PSD2: variants seen among roughly 807,000 people sequenced by gnomAD.
PSD2 encodes the protein PH and SEC7 domain-containing protein 2.
Under a neutral mutation model 69.8 loss-of-function variants are expected in PSD2, and 38 were observed. The ratio of observed to expected loss-of-function variants is 0.54; its 90% CI spans 0.42 to 0.71. The LOEUF (loss-of-function observed/expected upper bound fraction) is 0.71, where lower values mean the gene tolerates loss of function less well. Among genes scored for constraint, PSD2 ranks in the 30% least tolerant of loss-of-function variants. The pLI is 0.00. For missense variants in PSD2, 943 were observed against 1,014.5 expected (o/e 0.93, Z 0.96); for synonymous variants, 412 against 423.0 (o/e 0.97, Z 0.32).
At chr5:139,825,921 C>A (rs1247488054) in intron 7 of PSD2, among the ~76,000 whole-genome samples, 2 of 152,100 alleles carry the variant, frequency 1.3e-5, no homozygotes, top group Non-Finnish European at 2.9e-5. Flanking sequence ...TGGGGCTCAG[C>A]GTTATGTAGA....
In PSD2 at chr5:139,838,812, C is replaced by T. The variant is rs745726882; in HGVS notation, c.1968+40C>T. ...GTCAACATTTTGCCTCCCCAGGCTG[C>T]CATCCTCAGCCCAGGCCCCCATCCA... On this transcript the variant is annotated intron_variant, in intron 13 of 14. Coordinates refer to ENST00000274710, the MANE Select transcript of PSD2 (RefSeq NM_032289.4). 4 of 1,592,436 alleles carry T rather than the reference C, an allele frequency of 2.5e-6. No homozygotes were observed. In the South Asian group the frequency reaches 4.5e-5, roughly 18 times the overall value.
chr5:139,765,677 G>C, the PSD2 span, among the ~76,000 whole-genome samples: 1 of 152,262 alleles, frequency 6.6e-6, no homozygotes, highest in African/African-American at 2.4e-5. Flanking sequence ...AGCGCGGGGC[G>C]CGGCTGGGGA....
rs539309803 is a variant in PSD2, at chr5:139,806,054, TCATTATAGGACCTAC to T, written c.-50-3335_-50-3321del. 9.8e-4 allele frequency among the ~76,000 whole-genome samples: 150 copies of T among 152,302 alleles called. 2 individuals carry two copies. Among genetic ancestry groups the T allele is most frequent in the African/African-American group, 3.5e-3 (146 of 41,566 alleles). On this transcript the variant is annotated intron_variant, in intron 1 of 14. Coordinates refer to ENST00000274710, the MANE Select transcript of PSD2 (RefSeq NM_032289.4). ...AGTTGGCTGAGCCAGGGTTCCACTA[TCATTATAGGACCTAC>T]CTTAGCTGGTGTTGAAAAGAGGCTG...
chr5:139,833,025 T>C lies in PSD2; in HGVS notation c.1270-677T>C, dbSNP rs1305230324. On this transcript the variant is annotated intron_variant, in intron 7 of 14. Transcript: ENST00000274710. ...TTAGCATGGGGCACTTGTGTGTCCA[T>C]GGCAATTGATTTTTGACTCCCATAA... Among the ~76,000 whole-genome samples the C allele has an allele frequency of 2.0e-5, 3 of 152,088 alleles. 1 individual carries two copies. Among genetic ancestry groups the C allele is most frequent in the Non-Finnish European group, 4.4e-5 (3 of 68,014 alleles).
chr5:139,777,141 C>T, the PSD2 span, among the ~76,000 whole-genome samples: 3 of 152,180 alleles, frequency 2.0e-5, no homozygotes, highest in South Asian at 4.1e-4. Context: ...TTAAGTGGTG[C>T]CAGTTCCCTA....
chr5:139,774,211 C>A, the PSD2 span, among the ~76,000 whole-genome samples: 1 of 152,050 alleles, frequency 6.6e-6, no homozygotes, highest in Admixed American at 6.6e-5. Flanking sequence ...GGGTGGGGAG[C>A]CTCTTAGCTT....
At chr5:139,781,596 A>G in the PSD2 span, among the ~76,000 whole-genome samples, 2 of 150,298 alleles carry the variant, frequency 1.3e-5, no homozygotes, top group Non-Finnish European at 2.9e-5. Context: ...TGGCTTCCCA[A>G]AGTGCTGGGA....
chr5:139,816,325 A>T (rs1760121911), intron 4 of PSD2, among the ~76,000 whole-genome samples: 2 of 152,158 alleles, frequency 1.3e-5, no homozygotes, highest in African/African-American at 4.8e-5. Flanking sequence ...ATTTTCTCTG[A>T]TTGTCTAAAA....
the PSD2 span, chr5:139,772,827 T>C: frequency 6.6e-6 from 1 of 152,210 alleles, no homozygotes; most frequent in Non-Finnish European, 1.5e-5. Flanking sequence ...ATTTGTTTGT[T>C]CAGTATCTTT....
the PSD2 span, among the ~76,000 whole-genome samples, chr5:139,784,365 T>G: frequency 6.6e-6 from 1 of 152,158 alleles, no homozygotes; most frequent in African/African-American, 2.4e-5. Flanking sequence ...GACTTTTCTG[T>G]CTGCCACTCT....
At chr5:139,825,170 T>C (rs1199338416) in intron 7 of PSD2, among the ~76,000 whole-genome samples, 2 of 152,124 alleles carry the variant, frequency 1.3e-5, no homozygotes, top group Non-Finnish European at 2.9e-5. Flanking sequence ...TGCAGCTCCA[T>C]GAAGGGCACA....
chr5:139,766,928 C>CTTTCTTTCTTTCTT, the PSD2 span, among the ~76,000 whole-genome samples: 1 of 31,240 alleles, frequency 3.2e-5, no homozygotes, highest in South Asian at 1.4e-3. Context: ...TTCCTTCCTT[C>CTTTCTTTCTTTCTT]CCTTCTTTCT....
chr5:139,767,948 C>T, the PSD2 span, among the ~76,000 whole-genome samples: 1 of 152,230 alleles, frequency 6.6e-6, no homozygotes, highest in East Asian at 1.9e-4. Flanking sequence ...AGGATGAGTT[C>T]CAGAGTCCTC....
intron 7 of PSD2, among the ~76,000 whole-genome samples, chr5:139,823,766 G>A (rs1055149922): frequency 3.3e-5 from 5 of 152,202 alleles, no homozygotes; most frequent in African/African-American, 9.7e-5. Context: ...AAATTGTTAC[G>A]TAAAAAGAAC....
At chr5:139,746,760 AC>A in the PSD2 span, among the ~76,000 whole-genome samples, 3 of 151,538 alleles carry the variant, frequency 2.0e-5, no homozygotes, top group Non-Finnish European at 4.4e-5. This position sits in a 1 kb window ranked among gnomAD's most constrained non-coding sequence, Gnocchi z 4.5. Flanking sequence ...CGGCTCCCCA[AC>A]CCCGCCATTC....
the PSD2 span, among the ~76,000 whole-genome samples, chr5:139,761,705 C>T: frequency 1.3e-5 from 2 of 152,196 alleles, no homozygotes; most frequent in Non-Finnish European, 2.9e-5. Context: ...GTGCGACAGG[C>T]AGTGTTAAAT....
chr5:139,759,215 G>A, the PSD2 span, among the ~76,000 whole-genome samples: 1 of 152,116 alleles, frequency 6.6e-6, no homozygotes, highest in Non-Finnish European at 1.5e-5. Flanking sequence ...GTGTGTGTTG[G>A]AAAGGCTGCA....
chr5:139,758,314 G>T, the PSD2 span, among the ~76,000 whole-genome samples: 1 of 152,152 alleles, frequency 6.6e-6, no homozygotes, highest in Non-Finnish European at 1.5e-5. Flanking sequence ...AAGTTTGCTT[G>T]TTGAGGGCTG....
rs1366441838 is a variant in PSD2, at chr5:139,839,965, A to T, written c.1969-62A>T. On this transcript the variant is annotated intron_variant, in intron 13 of 14. Coordinates refer to ENST00000274710, the MANE Select transcript of PSD2 (RefSeq NM_032289.4). This position sits in a 1 kb window ranked among gnomAD's most constrained non-coding sequence, Gnocchi z 5.1. ...GTGGAGCAGCTCCTGGTAGAACAGG[A>T]TTTGAGCCACTCCGTGACATCCTGA... The T allele has an allele frequency of 1.9e-6, 3 of 1,589,642 alleles. No individual in the cohort carries two copies. In the African/African-American group the frequency reaches 4.0e-5, roughly 21 times the overall value.
Sources: allele counts gnomAD v4.1 joint callset (sites outside exome capture counted in the v4.1 genomes callset), GRCh38; gene constraint gnomAD v4.1.1; non-coding constraint Gnocchi (gnomAD v3.1); transcripts MANE v1.5; gene names NCBI Gene and HGNC (gene_info 2026-07-23, HGNC 2026-07-21).